KCNQ5: variants seen among roughly 807,000 people sequenced by gnomAD.
KCNQ5 encodes the protein potassium voltage-gated channel subfamily Q member 5, also known as potassium voltage-gated channel subfamily KQT member 5.
KCNQ5 carries 30 observed loss-of-function variants against 98.2 expected under a neutral mutation model. That is an observed-to-expected ratio of 0.31 (90% CI 0.23 to 0.41). The LOEUF is 0.41. Ranked by LOEUF, KCNQ5 falls within the 10% of genes least tolerant of loss-of-function variation. The pLI is 1.00. For missense variants in KCNQ5, 835 were observed against 1,182.5 expected, an observed-to-expected ratio of 0.71 and a Z score of 4.31; for synonymous variants, 458 against 449.4, an observed-to-expected ratio of 1.02 and a Z score of -0.24.
At chr6:73,156,151 GGCAGGGGGTGA>G (rs1777354169) in intron 10 of KCNQ5, among the ~76,000 whole-genome samples, 1 of 152,138 alleles carries the variant, frequency 6.6e-6, no homozygotes, top group African/African-American at 2.4e-5. Flanking sequence ...AGCAGAGGGT[GGCAGGGGGTGA>G]GTAATTTAAA....
At chr6:73,110,192 C>G (rs4235873) in intron 6 of KCNQ5, among the ~76,000 whole-genome samples, 111,002 of 152,058 alleles carry the variant, frequency 0.73, 45,640 homozygotes, top group South Asian at 0.94. Context: ...CATCTCTAAC[C>G]AAAGGGTTAG....
intron 1 of KCNQ5, among the ~76,000 whole-genome samples, chr6:72,695,242 G>A (rs1453512361): frequency 6.6e-6 from 1 of 152,160 alleles, no homozygotes; most frequent in African/African-American, 2.4e-5. Flanking sequence ...GACCGTTGTT[G>A]TAAAACATAG....
Position 73,077,372 on chromosome 6 carries a change from G to A in KCNQ5, c.667G>A (p.Gly223Ser). 5.0e-6 allele frequency: 8 copies of A among 1,613,934 alleles called. No individual in the cohort carries two copies. The highest frequency in any genetic ancestry group is 6.8e-6 in the Non-Finnish European group (8 of 1,179,934). ...SIAVVSAKTQ[G>S]NIFATSALRS... ...AGCAGTTGTTTCTGCAAAAACTCAG[G>A]GTAATATTTTTGCCACGTCTGCACT... Residue 223 changes from glycine to serine, a missense_variant, in exon 4 of 14, where the codon GGT (glycine) becomes AGT (serine). Physicochemically the swap from Gly to Ser is moderately conservative, Grantham distance 56. Transcript: ENST00000370398.
chr6:72,698,805 C>G (rs1768652346), intron 1 of KCNQ5, among the ~76,000 whole-genome samples: 1 of 151,742 alleles, frequency 6.6e-6, no homozygotes, highest in African/African-American at 2.4e-5. Flanking sequence ...CAGGCATGCA[C>G]TTCCATGCCT....
intron 1 of KCNQ5, among the ~76,000 whole-genome samples, chr6:72,759,127 A>G (rs1217852851): frequency 6.6e-6 from 1 of 152,190 alleles, no homozygotes; most frequent in Non-Finnish European, 1.5e-5. Flanking sequence ...CTGCCTGTCT[A>G]TCACAGAGCA....
chr6:73,176,831 T>G (rs1321038960), intron 11 of KCNQ5, among the ~76,000 whole-genome samples: 1 of 152,060 alleles, frequency 6.6e-6, no homozygotes, highest in Admixed American at 6.6e-5. Flanking sequence ...AGCAGGTAGG[T>G]GGATCTCTGG....
Position 72,851,430 on chromosome 6 carries a change from C to T in KCNQ5, c.399-152478C>T, listed in dbSNP as rs571183368. ...TCTGGGACCAGCTCAACAAAGACTCCCATTATCTAAGCAAGCCCAGCTATT... is the reference window on the plus strand; with the variant it reads ...TCTGGGACCAGCTCAACAAAGACTCTCATTATCTAAGCAAGCCCAGCTATT... On this transcript the variant is annotated intron_variant, in intron 1 of 13. Transcript: ENST00000370398. Among the ~76,000 whole-genome samples the T allele has an allele frequency of 5.3e-5, 8 of 152,164 alleles. 1 individual carries two copies. In the East Asian group the frequency reaches 5.8e-4, roughly 11 times the overall value.
At chr6:73,019,288 G>A (rs1049058227) in intron 2 of KCNQ5, among the ~76,000 whole-genome samples, 33 of 152,246 alleles carry the variant, frequency 2.2e-4, no homozygotes, top group Middle Eastern at 3.4e-3. Context: ...GGTTTAGAGT[G>A]GTTTGGTTGA....
intron 1 of KCNQ5, among the ~76,000 whole-genome samples, chr6:72,949,029 T>C (rs1766675304): frequency 6.6e-6 from 1 of 152,196 alleles, no homozygotes; most frequent in Non-Finnish European, 1.5e-5. Flanking sequence ...TGATTGGCAA[T>C]GTTCGTATTT....
At position 72,852,476 on chromosome 6, in the gene KCNQ5, G is replaced by A. The variant is rs1384080256; in HGVS notation, c.399-151432G>A. On this transcript the variant is annotated intron_variant, in intron 1 of 13. Coordinates refer to ENST00000370398, the MANE Select transcript of KCNQ5 (RefSeq NM_019842.4). ...CATTTGCAACAACATGGATGGAACT[G>A]GAGGCCATTATGTTAAGTGAAATAA... is the stretch of plus-strand genomic sequence containing the variant. 1.3e-5 allele frequency among the ~76,000 whole-genome samples: 2 copies of A among 150,390 alleles called. 1 individual carries two copies. The highest frequency in any genetic ancestry group is 3.9e-4 in the East Asian group (2 of 5,142).
intron 1 of KCNQ5, among the ~76,000 whole-genome samples, chr6:72,769,040 G>A (rs561904886): frequency 2.0e-5 from 3 of 151,960 alleles, no homozygotes; most frequent in Admixed American, 6.6e-5. Context: ...GCCCTAGCCC[G>A]GAAGTCCTCA....
chr6:72,926,796 T>G (rs1765444110), intron 1 of KCNQ5, among the ~76,000 whole-genome samples: 1 of 152,184 alleles, frequency 6.6e-6, no homozygotes, highest in Admixed American at 6.6e-5. Flanking sequence ...ATAAAAATGT[T>G]TATGTTTATT....
intron 1 of KCNQ5, among the ~76,000 whole-genome samples, chr6:72,890,157 T>C (rs1779003569): frequency 6.6e-6 from 1 of 152,222 alleles, no homozygotes; most frequent in Admixed American, 6.5e-5. Flanking sequence ...TGCATATATT[T>C]AATATATACA....
chr6:73,111,029 G>A (rs1314217493), intron 6 of KCNQ5, among the ~76,000 whole-genome samples: 2 of 152,134 alleles, frequency 1.3e-5, no homozygotes, highest in Admixed American at 1.3e-4. Context: ...TTATAATCAT[G>A]GTGCCTATGC....
At chr6:72,759,704 T>C (rs1772157328) in intron 1 of KCNQ5, among the ~76,000 whole-genome samples, 1 of 152,072 alleles carries the variant, frequency 6.6e-6, no homozygotes, top group Non-Finnish European at 1.5e-5. Flanking sequence ...GTTTTAGAGA[T>C]GGCTCCCTCC....
chr6:73,128,996 A>AT (rs1398354574), intron 9 of KCNQ5, among the ~76,000 whole-genome samples: 1 of 151,616 alleles, frequency 6.6e-6, no homozygotes, highest in Admixed American at 6.6e-5. Flanking sequence ...GTGCTCTTAT[A>AT]TTTTTTCTGC....
At chr6:72,778,430 C>T (rs1025157995) in intron 1 of KCNQ5, among the ~76,000 whole-genome samples, 2 of 151,586 alleles carry the variant, frequency 1.3e-5, no homozygotes, top group Non-Finnish European at 2.9e-5. Flanking sequence ...TCCAGCTACT[C>T]GGGAAGCTGA....
At chr6:73,149,560 T>G (rs1320749547) in intron 10 of KCNQ5, among the ~76,000 whole-genome samples, 3 of 152,050 alleles carry the variant, frequency 2.0e-5, no homozygotes, top group Admixed American at 6.6e-5. Flanking sequence ...CACTTTGGGA[T>G]GCTGAGGCAG....
At chr6:72,661,031 T>C (rs1766496546) in intron 1 of KCNQ5, among the ~76,000 whole-genome samples, 1 of 152,058 alleles carries the variant, frequency 6.6e-6, no homozygotes, top group Non-Finnish European at 1.5e-5. Flanking sequence ...TAAACAAATA[T>C]AAATTTCATC....
Sources: gnomAD v4.1 joint callset for allele counts (sites outside exome capture counted in the v4.1 genomes callset) on GRCh38, gnomAD v4.1.1 for gene constraint, MANE v1.5 for transcripts, NCBI Gene and HGNC (gene_info 2026-07-23, HGNC 2026-07-21) for gene names.